LMTK2: variants seen among roughly 807,000 people sequenced by gnomAD.
LMTK2 encodes lemur tail kinase 2, also known as serine/threonine-protein kinase LMTK2.
A neutral mutation model predicts 127.5 loss-of-function variants in LMTK2; 37 were observed. That is an observed-to-expected ratio of 0.29 (90% confidence interval 0.22 to 0.38). The LOEUF (loss-of-function observed/expected upper bound fraction) is 0.38, where lower values mean the gene tolerates loss of function less well. Ranked by LOEUF, LMTK2 falls within the 10% of genes least tolerant of loss-of-function variation. The pLI is 1.00. For synonymous variants in LMTK2, 819 were observed against 810.1 expected (o/e 1.01, Z -0.19); for missense variants, 1,694 against 1,920.3 (o/e 0.88, Z 2.20).
At chr7:98,152,348 A>T (rs1796871297) in intron 4 of LMTK2, among the ~76,000 whole-genome samples, 1 of 152,236 alleles carries the variant, frequency 6.6e-6, no homozygotes, top group Admixed American at 6.5e-5. Context: ...CAGGATGCTT[A>T]CAACAGGAGG....
chr7:98,191,394 A>G (rs1797521933), intron 10 of LMTK2, among the ~76,000 whole-genome samples: 1 of 152,124 alleles, frequency 6.6e-6, no homozygotes, highest in Admixed American at 6.5e-5. Flanking sequence ...TGTACTAAAA[A>G]TACAAAAATT....
chr7:98,204,348 G>A (rs1041228035), intron 13 of LMTK2, among the ~76,000 whole-genome samples, 162 bp downstream of exon 13: 14 of 152,184 alleles, frequency 9.2e-5, no homozygotes, highest in African/African-American at 2.7e-4. Context: ...TCAGCTGGGT[G>A]CAGTGACTCC....
rs139542720 is a variant in LMTK2, at chr7:98,160,364, G to T, written c.657+939G>T. On this transcript the variant is annotated intron_variant, in intron 6 of 13. Coordinates refer to ENST00000297293, the MANE Select transcript of LMTK2 (RefSeq NM_014916.4). ...GAGTATTTCTCTCATTGGCAGAGGT[G>T]GTTGATTAATAAACTTGATAACATT... Among the ~76,000 whole-genome samples, 5 of 152,296 alleles carry T rather than the reference G, an allele frequency of 3.3e-5. No homozygotes were observed. The East Asian group carries it at 9.6e-4, about 29-fold the overall frequency.
At chr7:98,204,403 G>A (rs1177165268) in intron 13 of LMTK2, among the ~76,000 whole-genome samples, 1 of 151,968 alleles carries the variant, frequency 6.6e-6, no homozygotes, top group Non-Finnish European at 1.5e-5. Context: ...GGGAGGATCA[G>A]TTGAGCCTGG....
intron 1 of LMTK2, among the ~76,000 whole-genome samples, chr7:98,135,054 G>A (rs1415198905): frequency 6.6e-6 from 1 of 152,162 alleles, no homozygotes. Flanking sequence ...TTTCAGCATT[G>A]CTTTCACAAA....
chr7:98,193,155 C>T lies in LMTK2; in HGVS notation c.2690C>T (p.Thr897Ile). ...GAGAGTGAGGAGACCCTGCGACTCA[C>T]CGAAAGTGACTCTGTTCTTGCTGAT... The part of the protein sequence containing the change: ...PGESEETLRL[T>I]ESDSVLADDI... The change falls in exon 11 of 14, where the codon ACC becomes ATC. Residue 897 changes from threonine (T) to isoleucine (I), a missense_variant. This residue lies in a region of LMTK2 where 527 missense variants were observed against 539.8 expected (regional missense o/e 0.98). Coordinates refer to ENST00000297293, the MANE Select transcript of LMTK2 (RefSeq NM_014916.4). The surrounding 1 kb of genome is among the most constrained non-coding windows in gnomAD (Gnocchi z 4.1). 1 of 1,613,648 alleles carries T rather than the reference C, an allele frequency of 6.2e-7. No homozygotes were observed. Among genetic ancestry groups the T allele is most frequent in the Non-Finnish European group, 8.5e-7 (1 of 1,180,002 alleles).
intron 3 of LMTK2, among the ~76,000 whole-genome samples, chr7:98,149,185 A>C (rs1796816977): frequency 6.6e-6 from 1 of 152,250 alleles, no homozygotes; most frequent in Admixed American, 6.5e-5. Context: ...AGTTAAACAT[A>C]GTTCCTTGGG....
chr7:98,112,288 C>T (rs776602056), intron 1 of LMTK2, among the ~76,000 whole-genome samples: 10 of 152,168 alleles, frequency 6.6e-5, no homozygotes, highest in Non-Finnish European at 1.5e-4. Context: ...ACCTCCAACT[C>T]CTGGCCTCAA....
chr7:98,183,880 G>GA (rs1797389092), intron 7 of LMTK2, among the ~76,000 whole-genome samples: 1 of 152,180 alleles, frequency 6.6e-6, no homozygotes, highest in African/African-American at 2.4e-5. Flanking sequence ...TTGCTAATCG[G>GA]AAAATCTTTG....
At chr7:98,197,638 AG>A (rs1335062664) in intron 11 of LMTK2, among the ~76,000 whole-genome samples, 1 of 152,226 alleles carries the variant, frequency 6.6e-6, no homozygotes, top group African/African-American at 2.4e-5. Flanking sequence ...GGATCGCTTA[AG>A]GCCAGGAGGT....
At position 98,140,371 on chromosome 7, in the gene LMTK2, A is replaced by G. The variant is rs142094469; in HGVS notation, c.232-1026A>G. 2.1e-3 allele frequency among the ~76,000 whole-genome samples: 317 copies of G among 151,862 alleles called. 4 individuals carry two copies. The highest frequency in any genetic ancestry group is 7.4e-3 in the African/African-American group (306 of 41,354). On this transcript the variant is annotated intron_variant, in intron 2 of 13. Coordinates refer to ENST00000297293, the MANE Select transcript of LMTK2 (RefSeq NM_014916.4). ...CTTGCCATGTTGCCCAGGCTGGCCT[A>G]GAGCTCTCGGGCTCAAGTGATCCAC... is the stretch of plus-strand genomic sequence containing the variant.
chr7:98,167,857 G>A (rs1048647431), intron 6 of LMTK2, among the ~76,000 whole-genome samples: 1 of 152,178 alleles, frequency 6.6e-6, no homozygotes, highest in Non-Finnish European at 1.5e-5. Context: ...AGCCAGTGGG[G>A]GGGCCGAGGA....
rs551055129 is a variant in LMTK2 at position 98,171,118 on chromosome 7, G to A, written c.658-423G>A. ...CGCTCCATTGCTCCTCCAAGCTTTGGCAGTAACCACGGCGCCTTCGTGATG... is the reference window on the plus strand; with the variant it reads ...CGCTCCATTGCTCCTCCAAGCTTTGACAGTAACCACGGCGCCTTCGTGATG... On this transcript the variant is annotated intron_variant, in intron 6 of 13. Coordinates refer to ENST00000297293, the MANE Select transcript of LMTK2 (RefSeq NM_014916.4). This position sits in a 1 kb window ranked among gnomAD's most constrained non-coding sequence, Gnocchi z 5.1. 1.3e-5 allele frequency among the ~76,000 whole-genome samples: 2 copies of A among 152,106 alleles called. No homozygotes were observed. Among genetic ancestry groups the A allele is most frequent in the East Asian group, 1.9e-4 (1 of 5,174 alleles).
intron 7 of LMTK2, among the ~76,000 whole-genome samples, chr7:98,182,123 T>A (rs1294284814): frequency 6.6e-6 from 1 of 152,120 alleles, no homozygotes; most frequent in Admixed American, 6.5e-5. Context: ...AAGACCTAAA[T>A]GTAAGATGCA....
chr7:98,138,723 G>C (rs1231974265), intron 2 of LMTK2, among the ~76,000 whole-genome samples: 1 of 152,196 alleles, frequency 6.6e-6, no homozygotes, highest in Non-Finnish European at 1.5e-5. Flanking sequence ...AGCCTGATCA[G>C]TGTTGCTGAT....
At chr7:98,144,959 A>G (rs1196575034) in intron 3 of LMTK2, among the ~76,000 whole-genome samples, 1 of 152,192 alleles carries the variant, frequency 6.6e-6, no homozygotes, top group Non-Finnish European at 1.5e-5. Context: ...TCTAATGCGA[A>G]AACAAATAAA....
At chr7:98,169,418 C>T (rs1343552389) in intron 6 of LMTK2, among the ~76,000 whole-genome samples, 3 of 152,212 alleles carry the variant, frequency 2.0e-5, no homozygotes, top group Admixed American at 6.5e-5. Flanking sequence ...CAGCCACGCC[C>T]GCTCTGCGCT....
At chr7:98,108,876 T>A (rs1796157032) in intron 1 of LMTK2, among the ~76,000 whole-genome samples, 2 of 149,810 alleles carry the variant, frequency 1.3e-5, no homozygotes, top group Middle Eastern at 3.5e-3. Flanking sequence ...TTTTTTTTTT[T>A]TGAGACGGAG....
chr7:98,184,491 A>G lies in LMTK2; in HGVS notation c.792-560A>G, dbSNP rs117356756. 7.6e-3 allele frequency among the ~76,000 whole-genome samples: 1,152 copies of G among 152,300 alleles called. 17 individuals are homozygous for G. Among genetic ancestry groups the G allele is most frequent in the African/African-American group, 0.026 (1,065 of 41,552 alleles). ...TCTCCTGCCCTGTCCATATCTGCCT[A>G]ACTACCTACTCTAACATACCTATGA... On this transcript the variant is annotated intron_variant, in intron 7 of 13. Transcript: ENST00000297293.
Sources: gnomAD v4.1 joint callset for allele counts (sites outside exome capture counted in the v4.1 genomes callset) on GRCh38, gnomAD v4.1.1 for gene constraint, gnomAD v4.1.1 regional missense constraint, Gnocchi (gnomAD v3.1) non-coding constraint, MANE v1.5 for transcripts, NCBI Gene and HGNC (gene_info 2026-07-23, HGNC 2026-07-21) for gene names.